Variants in RHOQ observed in about 807,000 individuals in gnomAD.
RHOQ encodes the protein ras homolog family member Q.
In RHOQ, 7 loss-of-function variants were observed where a neutral mutation model predicts 25.8. The observed-to-expected ratio is 0.27, with a 90% CI of 0.15 to 0.51. The LOEUF (loss-of-function observed/expected upper bound fraction) is 0.51. RHOQ is among the 20% of genes least tolerant of loss of function. The probability of loss-of-function intolerance (pLI) is 0.97; values close to 1 mark genes in which losing one functional copy is unlikely to be tolerated. For missense variants in RHOQ, 165 were observed against 260.6 expected, an observed-to-expected ratio of 0.63 and a Z score of 2.53; for synonymous variants, 97 against 98.6, an observed-to-expected ratio of 0.98 and a Z score of 0.10.
At chr2:46,561,287 T>C (rs1668570562) in intron 2 of RHOQ, among the ~76,000 whole-genome samples, 1 of 151,890 alleles carries the variant, frequency 6.6e-6, no homozygotes, top group East Asian at 1.9e-4. Context: ...ACAGTTTTCC[T>C]AAGTGAGTAG....
chr2:46,543,621 G>A (rs941127365), intron 1 of RHOQ, 133 bp from the exon 2 acceptor site: 1 of 738,556 alleles, frequency 1.4e-6, no homozygotes, highest in Non-Finnish European at 2.4e-6. Flanking sequence ...GGGAAAAGGG[G>A]GTGACATCTC....
rs1667838814 is a variant in RHOQ, at chr2:46,542,495, C to T, written c.-552C>T. 1.3e-5 allele frequency: 2 copies of T among 150,366 alleles called. No homozygotes were observed. The highest frequency in any genetic ancestry group is 4.1e-4 in the South Asian group (2 of 4,830). The allele number at this position is 150,366 out of a possible 1,614,324, so 9.3% of individuals were successfully genotyped here. Reference sequence around the variant, plus strand: ...TCCGCGGTCCTCGGCTCCTCCTCCTCCTGCGCGCCCCTCCGCGCGGCCCTC... The same window carrying T: ...TCCGCGGTCCTCGGCTCCTCCTCCTTCTGCGCGCCCCTCCGCGCGGCCCTC... On this transcript the variant is annotated 5_prime_UTR_variant, in exon 1 of 5. Coordinates refer to ENST00000238738, the MANE Select transcript of RHOQ (RefSeq NM_012249.4).
At chr2:46,557,094 G>A (rs1668432746) in intron 2 of RHOQ, among the ~76,000 whole-genome samples, 1 of 152,188 alleles carries the variant, frequency 6.6e-6, no homozygotes, top group Non-Finnish European at 1.5e-5. Context: ...AACCTATCAA[G>A]TTGAAAAGGA....
chr2:46,568,872 G>A (rs1245562519), intron 2 of RHOQ: 1 of 152,226 alleles, frequency 6.6e-6, no homozygotes, highest in Non-Finnish European at 1.5e-5. Flanking sequence ...CCAGATATTT[G>A]TGGAGTGAAT....
intron 2 of RHOQ, among the ~76,000 whole-genome samples, chr2:46,572,112 T>TTTTTTTTG (rs1668941023): frequency 7.7e-6 from 1 of 129,912 alleles, no homozygotes; most frequent in African/African-American, 3.2e-5. Context: ...TGTGTGTTTT[T>TTTTTTTTG]TTTTTTTTTT....
intron 2 of RHOQ, among the ~76,000 whole-genome samples, chr2:46,564,175 C>T (rs1668658770): frequency 6.6e-6 from 1 of 151,960 alleles, no homozygotes; most frequent in Non-Finnish European, 1.5e-5. Context: ...TGTGGTAGCA[C>T]GTACCTGTAG....
intron 2 of RHOQ, among the ~76,000 whole-genome samples, chr2:46,567,518 C>G (rs1380016710): frequency 6.6e-6 from 1 of 151,990 alleles, no homozygotes; most frequent in Non-Finnish European, 1.5e-5. Flanking sequence ...CTCAGCCTGC[C>G]AAGTAGCTGG....
At chr2:46,558,184 C>A (rs1433736226) in intron 2 of RHOQ, among the ~76,000 whole-genome samples, 1 of 152,198 alleles carries the variant, frequency 6.6e-6, no homozygotes, top group Non-Finnish European at 1.5e-5. Flanking sequence ...GCTGGTGCCT[C>A]TTGCCTGCTG....
At chr2:46,549,584 T>C (rs189996742) in intron 2 of RHOQ, among the ~76,000 whole-genome samples, 1 of 152,324 alleles carries the variant, frequency 6.6e-6, no homozygotes, top group Admixed American at 6.5e-5. Context: ...TGTGTGGCTC[T>C]TAAAAATTAA....
At chr2:46,547,373 T>C (rs1170478827) in intron 2 of RHOQ, among the ~76,000 whole-genome samples, 2 of 152,232 alleles carry the variant, frequency 1.3e-5, no homozygotes, top group Non-Finnish European at 2.9e-5. Context: ...AGGGTGATTG[T>C]TGTAGATGAC....
chr2:46,549,799 C>G (rs778823001), intron 2 of RHOQ, among the ~76,000 whole-genome samples: 10 of 152,192 alleles, frequency 6.6e-5, no homozygotes, highest in Non-Finnish European at 8.8e-5. Context: ...GTAGAACGCT[C>G]TCCTGCCCAG....
intron 2 of RHOQ, among the ~76,000 whole-genome samples, chr2:46,547,279 C>T (rs1668102331): frequency 6.6e-6 from 1 of 152,234 alleles, no homozygotes; most frequent in Non-Finnish European, 1.5e-5. Flanking sequence ...CTTGCTCACT[C>T]ATGGTCCCTG....
Position 46,548,023 on chromosome 2 carries a change from G to A in RHOQ, c.201+4211G>A, listed in dbSNP as rs552335214. Among the ~76,000 whole-genome samples, 25 of 152,358 alleles carry A rather than the reference G, an allele frequency of 1.6e-4. No individual in the cohort carries two copies. Among genetic ancestry groups the A allele is most frequent in the African/African-American group, 5.3e-4 (22 of 41,584 alleles). ...CCAGAATATCCACACTCAGGAGGAT[G>A]TGTGTTGGGGGTGAATTTGGGATCC... On this transcript the variant is annotated intron_variant, in intron 2 of 4. Transcript: ENST00000238738. The surrounding 1 kb of genome is among the most constrained non-coding windows in gnomAD (Gnocchi z 5.2).
intron 2 of RHOQ, among the ~76,000 whole-genome samples, chr2:46,546,468 ATATATG>A (rs1380297417): frequency 0.022 from 143 of 6,548 alleles, 4 homozygotes; most frequent in East Asian, 0.043. Flanking sequence ...ATATATATAT[ATATATG>A]TGTATATATA....
chr2:46,582,290 A>AC lies in RHOQ; in HGVS notation c.*1207_*1208insC, dbSNP rs1476776874. The AC allele has an allele frequency of 6.6e-6, 1 of 152,166 alleles. No individual in the cohort carries two copies. The highest frequency in any genetic ancestry group is 1.5e-5 in the Non-Finnish European group (1 of 68,016). 9.4% of individuals were successfully genotyped at this position (152,166 alleles called of 1,614,324 possible). A position where few individuals can be genotyped will look rare whatever the true frequency, so the allele number is the denominator to read the frequency against. ...GTGAAAGGCTCTGCTTGAAAAAAAA[A>AC]AGAAAAAAAAGTTGGAGGAAAATTT... On this transcript the variant is annotated 3_prime_UTR_variant, in exon 5 of 5. Transcript: ENST00000238738.
intron 2 of RHOQ, among the ~76,000 whole-genome samples, chr2:46,558,837 T>A (rs1329972300): frequency 3.3e-5 from 5 of 152,230 alleles, no homozygotes; most frequent in Non-Finnish European, 7.3e-5. Flanking sequence ...AGAAACTTCC[T>A]CAAGTTTATC....
Position 46,561,001 on chromosome 2 carries a change from AACACACACAC to A in RHOQ, c.202-15054_202-15045del, listed in dbSNP as rs61040858. On this transcript the variant is annotated intron_variant, in intron 2 of 4. Coordinates refer to ENST00000238738, the MANE Select transcript of RHOQ (RefSeq NM_012249.4). ...AGAGTGTCCTACTATAGACCCCATA[AACACACACAC>A]ACACACACACACACACACACACACA... 1.4e-3 allele frequency among the ~76,000 whole-genome samples: 200 copies of A among 141,326 alleles called. 1 individual carries two copies. The highest frequency in any genetic ancestry group is 6.1e-3 in the East Asian group (29 of 4,732). 92.7% of individuals were successfully genotyped at this position (141,326 alleles called of 152,430 possible).
intron 4 of RHOQ, among the ~76,000 whole-genome samples, chr2:46,579,150 T>C (rs1669248806): frequency 6.6e-6 from 1 of 152,222 alleles, no homozygotes; most frequent in South Asian, 2.1e-4. Flanking sequence ...TATGATCTCA[T>C]TTCTAGACTC....
At position 46,584,644 on chromosome 2, in the gene RHOQ, T is replaced by A. The variant is rs866403322; in HGVS notation, c.*3561T>A. Among the ~76,000 whole-genome samples the A allele has an allele frequency of 3.3e-5, 5 of 152,312 alleles. No homozygotes were observed. Among genetic ancestry groups the A allele is most frequent in the Middle Eastern group, 3.4e-3 (1 of 294 alleles). ...CATGTTATGTAAATCAAGAAGTGCA[T>A]GCCATCAGCAAATTAAAATGTGGAC... On this transcript the variant is annotated 3_prime_UTR_variant, in exon 5 of 5. Transcript: ENST00000238738.
Sources: allele counts gnomAD v4.1 joint callset (sites outside exome capture counted in the v4.1 genomes callset), GRCh38; gene constraint gnomAD v4.1.1; non-coding constraint Gnocchi (gnomAD v3.1); transcripts MANE v1.5; gene names NCBI Gene and HGNC (gene_info 2026-07-23, HGNC 2026-07-21).